TAF2: variants seen among roughly 807,000 people sequenced by gnomAD.
TAF2 encodes transcription initiation factor TFIID subunit 2.
In TAF2, 61 loss-of-function variants were observed where a neutral mutation model predicts 138.5. The observed-to-expected ratio is 0.44, with a 90% CI of 0.36 to 0.54. TAF2 has a LOEUF of 0.54. Ranked by LOEUF, TAF2 falls within the 20% of genes least tolerant of loss-of-function variation. TAF2 has a pLI of 0.00. For missense variants in TAF2, 1,090 were observed against 1,427.9 expected (o/e 0.76, Z 3.81); for synonymous variants, 475 against 469.9 (o/e 1.01, Z -0.14).
At chr8:119,789,889 C>G in intron 11 of TAF2, 143 bp from the exon 12 acceptor site, 1 of 820,318 alleles carries the variant, frequency 1.2e-6, no homozygotes, top group African/African-American at 1.7e-5. Flanking sequence ...ATTCTAAAGA[C>G]TACTAGCAAT....
chr8:119,819,271 G>GA (rs1470271385), intron 3 of TAF2, 75 bp downstream of exon 3: 58 of 1,496,338 alleles, frequency 3.9e-5, no homozygotes, highest in African/African-American at 8.4e-5. Context: ...AATACTTTGA[G>GA]AAAAACTAAT....
chr8:119,757,539 T>C (rs892567431), intron 21 of TAF2, among the ~76,000 whole-genome samples: 3 of 152,244 alleles, frequency 2.0e-5, no homozygotes, highest in African/African-American at 7.2e-5. Context: ...CTGGCTGCTT[T>C]CCAAGTCACC....
chr8:119,781,274 C>CA lies in TAF2; in HGVS notation c.2113-82dup, dbSNP rs2131134498. On this transcript the variant is annotated intron_variant, in intron 16 of 25. Transcript: ENST00000378164. ...AATAAAACAGCTTCTTAAAAGTTAT[C>CA]AATACTACAACTGGATTGGGTTTTC... 4.7e-6 allele frequency: 7 copies of CA among 1,488,840 alleles called. No individual in the cohort carries two copies. In the South Asian group the frequency reaches 8.2e-5, roughly 17 times the overall value. The allele number at this position is 1,488,840 out of a possible 1,614,324, so 92.2% of individuals were successfully genotyped here.
intron 18 of TAF2, among the ~76,000 whole-genome samples, chr8:119,771,120 C>G (rs1454162440): frequency 6.6e-6 from 1 of 152,118 alleles, no homozygotes; most frequent in South Asian, 2.1e-4. Flanking sequence ...CAAGACACTA[C>G]CATCTATTGC....
intron 22 of TAF2, among the ~76,000 whole-genome samples, chr8:119,747,487 T>G (rs1424313473): frequency 2.0e-5 from 3 of 152,206 alleles, no homozygotes; most frequent in Admixed American, 6.5e-5. Flanking sequence ...AATAACTGCC[T>G]GGGTAGAAGT....
intron 2 of TAF2, among the ~76,000 whole-genome samples, chr8:119,828,783 G>A (rs1335205148): frequency 2.0e-5 from 3 of 152,188 alleles, no homozygotes; most frequent in East Asian, 3.8e-4. Flanking sequence ...GAACAGGGCT[G>A]AACTGTCATC....
intron 2 of TAF2, among the ~76,000 whole-genome samples, chr8:119,824,152 C>T (rs10088205): frequency 0.3 from 45,254 of 151,886 alleles, 7,802 homozygotes; most frequent in African/African-American, 0.47. Flanking sequence ...AAATCCGGGC[C>T]GGGCATGGCG....
intron 19 of TAF2, 85 bp from the exon 20 acceptor site, chr8:119,760,823 G>A: frequency 1.3e-6 from 2 of 1,570,620 alleles, no homozygotes; most frequent in South Asian, 2.2e-5. Flanking sequence ...AATCCTTTGT[G>A]GCAATCAATT....
Position 119,803,885 on chromosome 8 carries a change from A to C in TAF2, c.553T>G (p.Ser185Ala), listed in dbSNP as rs149614098. 53 of 1,613,036 alleles carry C rather than the reference A, an allele frequency of 3.3e-5. No individual in the cohort carries two copies. Among genetic ancestry groups the C allele is most frequent in the Non-Finnish European group, 4.2e-5 (49 of 1,179,666 alleles). The change falls in exon 5 of 26, where the codon TCT (serine) becomes GCT (alanine). Residue 185 changes from serine (S) to alanine (A), a missense_variant. Physicochemically the swap from Ser to Ala is moderately conservative, Grantham distance 99. Coordinates refer to ENST00000378164, the MANE Select transcript of TAF2 (RefSeq NM_003184.4). Reference sequence around the variant, plus strand: ...TAAGAATCTATAATCTACCTTGTAGAATTTTGATACCCACAAGAGAAAACA... The same window carrying C: ...TAAGAATCTATAATCTACCTTGTAGCATTTTGATACCCACAAGAGAAAACA... Reference protein sequence around the residue: ...AHVFSCGYQNSTRFWFPCVDS... With the variant: ...AHVFSCGYQNATRFWFPCVDS...
chr8:119,753,684 C>T (rs1412004955), intron 22 of TAF2, among the ~76,000 whole-genome samples: 1 of 152,128 alleles, frequency 6.6e-6, no homozygotes, highest in Non-Finnish European at 1.5e-5. Flanking sequence ...ACAATCAAAC[C>T]TTCCAATGAG....
intron 9 of TAF2, 125 bp from the exon 10 acceptor site, chr8:119,793,576 A>G (rs1823596805): frequency 1.4e-6 from 1 of 729,792 alleles, no homozygotes; most frequent in East Asian, 2.9e-5. Context: ...TCTTAAAATA[A>G]GTGAAATGTA....
chr8:119,797,065 G>A lies in TAF2; in HGVS notation c.1016C>T (p.Thr339Ile), dbSNP rs1179454089. The stretch of plus-strand genomic sequence containing the variant: ...GGCTAAACACCTTCTAGTCAAAGGT[G>A]TCTCATCTATAATCATGGCACTGTG... ...LLHSAMIIDE[T>I]PLTRRCLAQS... Residue 339 changes from threonine to isoleucine, a missense_variant, in exon 8 of 26, where the codon ACA (threonine) becomes ATA (isoleucine). Thr to Ile is a moderately conservative substitution (Grantham distance 89). This residue lies in a region of TAF2 where 504 missense variants were observed against 680.9 expected (regional missense o/e 0.74). Transcript: ENST00000378164. 4.3e-6 allele frequency: 7 copies of A among 1,613,292 alleles called. No individual in the cohort carries two copies. Among genetic ancestry groups the A allele is most frequent in the African/African-American group, 1.3e-5 (1 of 75,014 alleles).
intron 2 of TAF2, among the ~76,000 whole-genome samples, chr8:119,829,852 T>C (rs2131275824): frequency 6.6e-6 from 1 of 151,158 alleles, no homozygotes; most frequent in South Asian, 2.1e-4. Context: ...ACCTCCATTC[T>C]TTTTTTAGTT....
intron 14 of TAF2, among the ~76,000 whole-genome samples, chr8:119,786,741 G>A (rs1158050877): frequency 6.6e-6 from 1 of 152,124 alleles, no homozygotes; most frequent in East Asian, 1.9e-4. Context: ...GGCTAACATG[G>A]TGAAACCCTG....
At chr8:119,815,322 T>G (rs1825382245) in intron 3 of TAF2, among the ~76,000 whole-genome samples, 2 of 150,824 alleles carry the variant, frequency 1.3e-5, no homozygotes, top group South Asian at 4.3e-4. Context: ...TCGCCCAGGC[T>G]GGAGGGCAGT....
At chr8:119,823,228 G>A (rs1825898664) in intron 2 of TAF2, among the ~76,000 whole-genome samples, 1 of 152,104 alleles carries the variant, frequency 6.6e-6, no homozygotes, top group Admixed American at 6.5e-5. Flanking sequence ...TGAAAAAGTA[G>A]AATATGTTCA....
At chr8:119,771,963 A>T (rs566484520) in intron 18 of TAF2, among the ~76,000 whole-genome samples, 7 of 152,226 alleles carry the variant, frequency 4.6e-5, no homozygotes, top group South Asian at 4.2e-4. Flanking sequence ...TCAATAAATT[A>T]AAAAAAATCA....
At chr8:119,752,423 G>C in intron 22 of TAF2, among the ~76,000 whole-genome samples, 1 of 152,070 alleles carries the variant, frequency 6.6e-6, no homozygotes, top group East Asian at 1.9e-4. Context: ...AGGCAGCCCT[G>C]AGATCTCAAA....
chr8:119,754,740 C>G (rs1820584314), intron 22 of TAF2, among the ~76,000 whole-genome samples: 1 of 152,050 alleles, frequency 6.6e-6, no homozygotes, highest in Admixed American at 6.6e-5. Flanking sequence ...TGCAACAACT[C>G]TTGCTCTCTT....
Sources: gnomAD v4.1 joint callset for allele counts (sites outside exome capture counted in the v4.1 genomes callset) on GRCh38, gnomAD v4.1.1 for gene constraint, gnomAD v4.1.1 regional missense constraint, MANE v1.5 for transcripts, NCBI Gene and HGNC (gene_info 2026-07-23, HGNC 2026-07-21) for gene names.